The following SNX27 variants were observed in gnomAD, a reference collection of about 807,000 sequenced individuals.
The protein encoded by SNX27 is sorting nexin 27.
In SNX27, 22 loss-of-function variants were observed where a neutral mutation model predicts 71.6. That is an observed-to-expected ratio of 0.31 (90% CI 0.22 to 0.44). SNX27 has a LOEUF of 0.44. Among genes scored for constraint, SNX27 ranks in the 20% least tolerant of loss-of-function variants. SNX27 has a pLI of 1.00. For missense variants in SNX27, 531 were observed against 698.6 expected (o/e 0.76, Z 2.70); for synonymous variants, 269 against 277.2 (o/e 0.97, Z 0.29).
chr1:151,672,514 G>C (rs1670489391), intron 7 of SNX27, among the ~76,000 whole-genome samples: 1 of 152,108 alleles, frequency 6.6e-6, no homozygotes, highest in Non-Finnish European at 1.5e-5. Flanking sequence ...CATAGAATGA[G>C]TTTAGAAGTA....
At chr1:151,662,387 A>C in intron 5 of SNX27, 117 bp downstream of exon 5, 1 of 578,578 alleles carries the variant, frequency 1.7e-6, no homozygotes, top group Non-Finnish European at 3.1e-6. Context: ...CCGTTTATTA[A>C]ATGTTAGCTA....
chr1:151,617,690 C>T (rs929642534), intron 1 of SNX27, among the ~76,000 whole-genome samples: 1 of 152,102 alleles, frequency 6.6e-6, no homozygotes, highest in South Asian at 2.1e-4. Flanking sequence ...TTTGTTGTAT[C>T]CCTAGCCAAA....
intron 9 of SNX27, 30 bp from the exon 10 acceptor site, chr1:151,692,881 G>GTA: frequency 1.9e-6 from 3 of 1,613,944 alleles, no homozygotes; most frequent in Non-Finnish European, 2.5e-6. Context: ...AACACAGACT[G>GTA]TACCTTACTC....
chr1:151,680,616 A>C (rs1419468500), intron 7 of SNX27, among the ~76,000 whole-genome samples: 1 of 152,218 alleles, frequency 6.6e-6, no homozygotes, highest in Non-Finnish European at 1.5e-5. Context: ...ACATAGTTCT[A>C]GGCGTTAGGG....
chr1:151,664,794 C>T (rs973487412), intron 5 of SNX27, among the ~76,000 whole-genome samples: 2 of 152,094 alleles, frequency 1.3e-5, no homozygotes, highest in Non-Finnish European at 2.9e-5. Context: ...ATTTTTACAG[C>T]TTTCTGATCT....
rs564340405 is a variant in SNX27, at chr1:151,618,736, A to G, written c.311+6224A>G. 2.6e-5 allele frequency among the ~76,000 whole-genome samples: 4 copies of G among 152,352 alleles called. No individual in the cohort carries two copies. The East Asian group carries it at 7.7e-4, about 29-fold the overall frequency. On this transcript the variant is annotated intron_variant, in intron 1 of 11. Transcript: ENST00000458013. ...TCACTGCTCAAAATGCTTTTTGAGC[A>G]TAATCTTTGGCAGGTTCATTCATTA...
Position 151,696,526 on chromosome 1 carries a change from T to TTTCGTTCTTTCGTTCTTTCG in SNX27, c.*2112_*2113insGTTCTTTCGTTCTTTCGTTC, listed in dbSNP as rs769158078. The TTTCGTTCTTTCGTTCTTTCG allele has an allele frequency of 2.9e-3, 414 of 143,688 alleles. 5 individuals are homozygous for TTTCGTTCTTTCGTTCTTTCG. The highest frequency in any genetic ancestry group is 0.011 in the African/African-American group (388 of 35,364). The allele number at this position is 143,688 out of a possible 1,614,324, so 8.9% of individuals were successfully genotyped here. A position where few individuals can be genotyped will look rare whatever the true frequency, so the allele number is the denominator to read the frequency against. On this transcript the variant is annotated 3_prime_UTR_variant, in exon 12 of 12. Transcript: ENST00000458013. Reference sequence around the variant, plus strand: ...CTTTCGTTCTTTCGTTCTTTCGTTCTTTCTTTCTTTCTTTCTTTCTCTTTC... The same window carrying TTTCGTTCTTTCGTTCTTTCG: ...CTTTCGTTCTTTCGTTCTTTCGTTCTTTCGTTCTTTCGTTCTTTCGTTCTTTCTTTCTTTCTTTCTCTTTC...
In SNX27 at chr1:151,660,799, G is replaced by A. The variant is rs1558059766; in HGVS notation, c.738G>A (p.Val246=). Residue 246 remains valine (V), a splice_region_variant and synonymous_variant, in exon 4 of 12, where the codon GTG becomes GTA. Transcript: ENST00000458013. The part of the protein sequence containing the change: ...RRGLEEYLEK[V]CSIRVIGESD... ...AGATTTTATCTTTATTTTCTACAGT[G>A]TGTTCAATACGAGTAATTGGTGAGA... The A allele has an allele frequency of 6.2e-7, 1 of 1,610,596 alleles. No homozygotes were observed. Among genetic ancestry groups the A allele is most frequent in the Non-Finnish European group, 8.5e-7 (1 of 1,176,968 alleles).
intron 5 of SNX27, among the ~76,000 whole-genome samples, chr1:151,665,020 C>A (rs531331830): frequency 1.3e-5 from 2 of 152,138 alleles, no homozygotes; most frequent in Non-Finnish European, 2.9e-5. Context: ...ACCTAGGCCT[C>A]ATATGTGAGC....
intron 11 of SNX27, chr1:151,693,710 G>C: frequency 6.2e-7 from 1 of 1,606,940 alleles, no homozygotes; most frequent in Middle Eastern, 2.3e-4. Flanking sequence ...TGTCTAGAGG[G>C]TGGACATTGG....
chr1:151,657,781 A>G (rs990045471), intron 2 of SNX27, among the ~76,000 whole-genome samples: 1 of 152,130 alleles, frequency 6.6e-6, no homozygotes, highest in Non-Finnish European at 1.5e-5. Flanking sequence ...TGGGTGGATC[A>G]CCTGAGGTCA....
intron 3 of SNX27, 113 bp from the exon 4 acceptor site, chr1:151,660,685 A>G (rs1418131358): frequency 1.3e-6 from 1 of 762,662 alleles, no homozygotes; most frequent in African/African-American, 1.7e-5. Flanking sequence ...ATTGCCTGCT[A>G]CTGATGATTT....
At chr1:151,660,903 T>C (rs1669935488) in intron 4 of SNX27, 41 bp downstream of exon 4, 2 of 1,446,496 alleles carry the variant, frequency 1.4e-6, no homozygotes, top group Non-Finnish European at 1.9e-6. Context: ...TCCTTTTGGC[T>C]CCTTGTGGGG....
intron 7 of SNX27, among the ~76,000 whole-genome samples, chr1:151,673,746 G>T (rs993099469): frequency 6.6e-6 from 1 of 152,108 alleles, no homozygotes; most frequent in Non-Finnish European, 1.5e-5. Flanking sequence ...ATTTAAAATT[G>T]TTACATCCTC....
At chr1:151,663,751 G>T (rs1316836668) in intron 5 of SNX27, among the ~76,000 whole-genome samples, 1 of 151,982 alleles carries the variant, frequency 6.6e-6, no homozygotes, top group Non-Finnish European at 1.5e-5. Context: ...ACACAATACT[G>T]GGTTATCCCA....
At chr1:151,639,166 C>A (rs1486826161) in intron 2 of SNX27, 47 bp downstream of exon 2, 3 of 1,516,006 alleles carry the variant, frequency 2.0e-6, no homozygotes. Context: ...CTTTGTTTCC[C>A]CTAGTCTTAT....
chr1:151,672,015 T>C (rs1449711316), intron 7 of SNX27, among the ~76,000 whole-genome samples: 2 of 152,206 alleles, frequency 1.3e-5, no homozygotes, highest in East Asian at 3.9e-4. Flanking sequence ...GTCTGATTGC[T>C]CTAGCTGGGA....
At chr1:151,654,541 T>A (rs1669586266) in intron 2 of SNX27, among the ~76,000 whole-genome samples, 1 of 152,112 alleles carries the variant, frequency 6.6e-6, no homozygotes, top group Non-Finnish European at 1.5e-5. Flanking sequence ...AAGAAGTGGA[T>A]CTTTGCCTGT....
In SNX27 at chr1:151,694,579, ATG is replaced by A; in HGVS notation, c.*164_*165del. 1.5e-6 allele frequency: 1 copy of A among 660,174 alleles called. No individual in the cohort carries two copies. The highest frequency in any genetic ancestry group is 2.4e-6 in the Non-Finnish European group (1 of 423,282). 40.9% of individuals were successfully genotyped at this position (660,174 alleles called of 1,614,324 possible). A position where few individuals can be genotyped will look rare whatever the true frequency, so the allele number is the denominator to read the frequency against. ...TTATTAATAACCCCCTCTGAATTTC[ATG>A]TCTCTGGAATTGAGGTGGTAGTGAA... On this transcript the variant is annotated 3_prime_UTR_variant, in exon 12 of 12. Coordinates refer to ENST00000458013, the MANE Select transcript of SNX27 (RefSeq NM_001330723.2).
Sources: gnomAD v4.1 joint callset for allele counts (sites outside exome capture counted in the v4.1 genomes callset) on GRCh38, gnomAD v4.1.1 for gene constraint, MANE v1.5 for transcripts, NCBI Gene and HGNC (gene_info 2026-07-23, HGNC 2026-07-21) for gene names.